Variants in IARS1 observed in about 807,000 individuals in gnomAD.
The protein encoded by IARS1 is isoleucine--tRNA ligase, cytoplasmic.
Under a neutral mutation model 168.2 loss-of-function variants are expected in IARS1, and 124 were observed. The observed-to-expected ratio is 0.74, with a 90% CI of 0.64 to 0.86. The LOEUF (loss-of-function observed/expected upper bound fraction) is 0.86. IARS1 is among the 40% of genes least tolerant of loss of function. The pLI, the probability that IARS1 is intolerant of heterozygous loss-of-function variation, is 0.00. For missense variants in IARS1, 1,452 were observed against 1,515.8 expected (o/e 0.96, Z 0.70); for synonymous variants, 532 against 529.4 (o/e 1.00, Z -0.07).
chr9:92,228,943 G>T, intron 31 of IARS1, 58 bp downstream of exon 31: 2 of 1,599,720 alleles, frequency 1.3e-6, no homozygotes, highest in South Asian at 1.1e-5. Flanking sequence ...AGCAAATTAA[G>T]ACCTTCACCA....
At chr9:92,283,818 G>A (rs1199149502) in intron 6 of IARS1, among the ~76,000 whole-genome samples, 1 of 152,150 alleles carries the variant, frequency 6.6e-6, no homozygotes, top group African/African-American at 2.4e-5. Flanking sequence ...CTTGGGAAAT[G>A]ATTAAACCAT....
At chr9:92,263,552 C>T (rs1036967627) in intron 16 of IARS1, among the ~76,000 whole-genome samples, 12 of 152,212 alleles carry the variant, frequency 7.9e-5, no homozygotes, top group Non-Finnish European at 1.6e-4. Context: ...GAACTCATAT[C>T]CCTGACCACT....
At chr9:92,255,139 T>G (rs910007466) in intron 20 of IARS1, among the ~76,000 whole-genome samples, 13 of 152,212 alleles carry the variant, frequency 8.5e-5, no homozygotes, top group Non-Finnish European at 2.9e-5. Context: ...CATCTTCATC[T>G]GTGTCTATCT....
In IARS1 at chr9:92,268,199, A is replaced by C; in HGVS notation, c.1406T>G (p.Leu469Arg). The C allele has an allele frequency of 6.2e-7, 1 of 1,607,438 alleles. No individual in the cohort carries two copies. The highest frequency in any genetic ancestry group is 8.5e-7 in the Non-Finnish European group (1 of 1,178,336). Reference protein sequence around the residue: ...RNRYWGTPIPLWVSDDFEEVV... With the variant: ...RNRYWGTPIPRWVSDDFEEVV... ...CTCCTCAAAGTCATCGCTGACCCAC[A>C]GTGGGATGGGGGTGCCCCAGTATCT... The change falls in exon 14 of 34, where the codon CTG becomes CGG. Residue 469 changes from leucine (L) to arginine (R), a missense_variant. Coordinates refer to ENST00000443024, the MANE Select transcript of IARS1 (RefSeq NM_002161.6).
At chr9:92,266,722 C>A (rs1832331878) in intron 14 of IARS1, among the ~76,000 whole-genome samples, 2 of 152,060 alleles carry the variant, frequency 1.3e-5, no homozygotes, top group African/African-American at 2.4e-5. Flanking sequence ...AAAGAGCCTG[C>A]CCCCACCCCA....
intron 20 of IARS1, among the ~76,000 whole-genome samples, chr9:92,255,617 G>A (rs1287861551): frequency 6.6e-6 from 1 of 152,108 alleles, no homozygotes; most frequent in Non-Finnish European, 1.5e-5. Context: ...GGAAAAGAAG[G>A]GGACTATTTA....
chr9:92,252,454 T>C (rs991395519), intron 21 of IARS1: 1 of 494,252 alleles, frequency 2.0e-6, no homozygotes, highest in African/African-American at 1.9e-5. Flanking sequence ...TGTTGCAGGC[T>C]TTTATTATTA....
chr9:92,250,110 C>T, intron 24 of IARS1, 77 bp downstream of exon 24: 1 of 1,024,232 alleles, frequency 9.8e-7, no homozygotes, highest in Non-Finnish European at 1.5e-6. Context: ...GGTGGAAGCT[C>T]TCTATATTAA....
chr9:92,217,429 A>T (rs879511229), intron 33 of IARS1, among the ~76,000 whole-genome samples: 2,758 of 138,426 alleles, frequency 0.02, 36 homozygotes, highest in South Asian at 0.051. Context: ...AAATCAGAGC[A>T]GAACTGAAGG....
At chr9:92,215,161 C>G (rs1483372313) in intron 33 of IARS1, among the ~76,000 whole-genome samples, 2 of 152,198 alleles carry the variant, frequency 1.3e-5, no homozygotes, top group South Asian at 2.1e-4. Flanking sequence ...AGCAGGGGCA[C>G]ACTGATACCT....
intron 22 of IARS1, chr9:92,251,200 G>A (rs1252061807): frequency 2.2e-6 from 1 of 461,894 alleles, no homozygotes; most frequent in South Asian, 1.5e-5. Flanking sequence ...TGGAGGTGAT[G>A]AGATCAGGCA....
intron 13 of IARS1, 32 bp from the exon 14 acceptor site, chr9:92,268,332 T>C: frequency 6.3e-7 from 1 of 1,597,130 alleles, no homozygotes; most frequent in Non-Finnish European, 8.5e-7. Flanking sequence ...ACCAATCACA[T>C]AAAAATATGG....
intron 25 of IARS1, 136 bp downstream of exon 25, chr9:92,249,722 A>G: frequency 2.0e-6 from 1 of 501,028 alleles, no homozygotes; most frequent in Non-Finnish European, 3.5e-6. Context: ...GCACAGTGTA[A>G]AATATGGATT....
intron 16 of IARS1, 96 bp downstream of exon 16, chr9:92,264,833 C>CCA: frequency 9.3e-7 from 1 of 1,080,702 alleles, no homozygotes; most frequent in Non-Finnish European, 1.3e-6. Flanking sequence ...CACAATCTCT[C>CCA]CATCACCCAG....
chr9:92,216,188 G>A (rs1340503562), intron 33 of IARS1, among the ~76,000 whole-genome samples: 1 of 150,582 alleles, frequency 6.6e-6, no homozygotes. Context: ...CATAAGAGAA[G>A]GAGAAATAAA....
intron 7 of IARS1, 151 bp from the exon 8 acceptor site, chr9:92,278,437 A>C (rs1356680764): frequency 1.3e-5 from 8 of 593,840 alleles, no homozygotes; most frequent in Non-Finnish European, 2.4e-5. Context: ...TGCAAAGAAC[A>C]CTATGGTATA....
At chr9:92,242,688 C>G (rs1828613657) in intron 28 of IARS1, 1 of 231,510 alleles carries the variant, frequency 4.3e-6, no homozygotes, top group African/African-American at 2.3e-5. Context: ...CTTGAACCGT[C>G]TGGGAAGAAA....
intron 30 of IARS1, chr9:92,240,355 C>G (rs1420407996): frequency 3.3e-6 from 1 of 298,862 alleles, no homozygotes; most frequent in African/African-American, 2.2e-5. Flanking sequence ...CCTCCACCTC[C>G]CGGGTTCAAG....
intron 16 of IARS1, among the ~76,000 whole-genome samples, chr9:92,264,724 C>T (rs1285528460): frequency 6.6e-6 from 1 of 152,142 alleles, no homozygotes; most frequent in Non-Finnish European, 1.5e-5. Flanking sequence ...TGTAAAACTA[C>T]AGCCCTATTG....
Sources: gnomAD v4.1 joint callset for allele counts (sites outside exome capture counted in the v4.1 genomes callset) on GRCh38, gnomAD v4.1.1 for gene constraint, MANE v1.5 for transcripts, NCBI Gene and HGNC (gene_info 2026-07-23, HGNC 2026-07-21) for gene names.